Variants in CDC42BPB observed in about 807,000 individuals in gnomAD.
CDC42BPB encodes the protein serine/threonine-protein kinase MRCK beta.
In CDC42BPB, 37 loss-of-function variants were observed where a neutral mutation model predicts 214.9. That is an observed-to-expected ratio of 0.17 (90% CI 0.13 to 0.23). The LOEUF is 0.23. Ranked by LOEUF, CDC42BPB falls within the 10% of genes least tolerant of loss-of-function variation. The pLI is 1.00. For synonymous variants in CDC42BPB, 931 were observed against 884.0 expected (o/e 1.05, Z -0.94); for missense variants, 1,694 against 2,227.0 (o/e 0.76, Z 4.82).
In CDC42BPB at chr14:102,950,558, G is replaced by T; in HGVS notation, c.3217C>A (p.Gln1073Lys). 6.2e-7 allele frequency: 1 copy of T among 1,608,102 alleles called. No homozygotes were observed. Among genetic ancestry groups the T allele is most frequent in the Non-Finnish European group, 8.5e-7 (1 of 1,177,446 alleles). The change falls in exon 25 of 37, where the codon CAG becomes AAG. Residue 1073 changes from glutamine to lysine, a missense_variant. This residue lies in a region of CDC42BPB where 567 missense variants were observed against 790.3 expected (regional missense o/e 0.72). Coordinates refer to ENST00000361246, the MANE Select transcript of CDC42BPB (RefSeq NM_006035.4). The part of the protein sequence containing the change: ...CHVSCKDGAP[Q>K]VCPIPPEQSK... ...TGCTCGGGAGGTATTGGGCACACCT[G>T]GGGGGCACCGTCTTTGCAGGACACG...
intron 5 of CDC42BPB, among the ~76,000 whole-genome samples, chr14:102,991,463 T>C (rs1353397349): frequency 6.6e-6 from 1 of 152,266 alleles, no homozygotes. Flanking sequence ...ATGCAACATG[T>C]GATCCTGGAC....
chr14:103,013,032 A>G (rs1886244254), intron 1 of CDC42BPB, among the ~76,000 whole-genome samples: 1 of 152,228 alleles, frequency 6.6e-6, no homozygotes, highest in Non-Finnish European at 1.5e-5. Flanking sequence ...AGGTATCCCC[A>G]TCGTTATGCA....
chr14:103,029,487 G>A (rs545537327), intron 1 of CDC42BPB, among the ~76,000 whole-genome samples: 1 of 151,554 alleles, frequency 6.6e-6, no homozygotes, highest in East Asian at 1.9e-4. Context: ...AGCTTGCAGT[G>A]AGCCGAGATT....
intron 1 of CDC42BPB, among the ~76,000 whole-genome samples, chr14:103,016,015 C>T (rs901973024): frequency 1.3e-5 from 2 of 152,074 alleles, no homozygotes; most frequent in East Asian, 1.9e-4. Context: ...TGCGCCCGGC[C>T]GAGGCTGGAA....
chr14:102,997,281 G>A (rs1238018230), intron 5 of CDC42BPB, among the ~76,000 whole-genome samples: 1 of 152,132 alleles, frequency 6.6e-6, no homozygotes, highest in Non-Finnish European at 1.5e-5. Flanking sequence ...AGGGGAAAGT[G>A]GTTTCCAACT....
At position 103,057,269 on chromosome 14, in the gene CDC42BPB, C is replaced by G; in HGVS notation, c.-96G>C. 1 of 1,153,432 alleles carries G rather than the reference C, an allele frequency of 8.7e-7. No individual in the cohort carries two copies. Among genetic ancestry groups the G allele is most frequent in the Admixed American group, 4.8e-5 (1 of 20,846 alleles). 71.4% of individuals were successfully genotyped at this position (1,153,432 alleles called of 1,614,324 possible). A position where few individuals can be genotyped will look rare whatever the true frequency, so the allele number is the denominator to read the frequency against. On this transcript the variant is annotated 5_prime_UTR_variant, in exon 1 of 37. Transcript: ENST00000361246. Reference sequence around the variant, plus strand: ...CTCGGGGGCTCGGCGGCTGCGAGCCCCGGCAGCAGCGGCGCCTCCTCGCCG... The same window carrying G: ...CTCGGGGGCTCGGCGGCTGCGAGCCGCGGCAGCAGCGGCGCCTCCTCGCCG...
chr14:102,983,452 A>C, intron 7 of CDC42BPB, 104 bp downstream of exon 7: 4 of 1,514,642 alleles, frequency 2.6e-6, no homozygotes, highest in Non-Finnish European at 3.5e-6. Context: ...CTCTTCCTCA[A>C]CTACTCGCGT....
At chr14:103,052,995 A>G (rs10137506) in intron 1 of CDC42BPB, among the ~76,000 whole-genome samples, 10,712 of 152,258 alleles carry the variant, frequency 0.07, 856 homozygotes, top group African/African-American at 0.2. Context: ...TGGAAACTGT[A>G]AAGTGTTTCA....
chr14:103,038,802 G>C (rs1238558997), intron 1 of CDC42BPB, among the ~76,000 whole-genome samples: 1 of 149,866 alleles, frequency 6.7e-6, no homozygotes, highest in Non-Finnish European at 1.5e-5. Context: ...GCCTCCCAAA[G>C]TACTGGGATT....
chr14:102,947,543 C>T (rs1000051943), intron 27 of CDC42BPB, among the ~76,000 whole-genome samples, 178 bp downstream of exon 27: 42 of 152,148 alleles, frequency 2.8e-4, no homozygotes, highest in Non-Finnish European at 3.1e-4. Flanking sequence ...CTCCCCGAGA[C>T]GGGCACAGGC....
rs1450828740 is a variant in CDC42BPB at position 103,057,070 on chromosome 14, A to G, written c.104T>C (p.Val35Ala). 5 of 1,524,958 alleles carry G rather than the reference A, an allele frequency of 3.3e-6. No individual in the cohort carries two copies. In the Admixed American group the frequency reaches 6.2e-5, roughly 19 times the overall value. 94.5% of individuals were successfully genotyped at this position (1,524,958 alleles called of 1,614,324 possible). A position where few individuals can be genotyped will look rare whatever the true frequency, so the allele number is the denominator to read the frequency against. The change falls in exon 1 of 37, where the codon GTC (valine) becomes GCC (alanine). Residue 35 changes from valine to alanine, a missense_variant. By Grantham distance (64) the Val-to-Ala change is moderately conservative. Coordinates refer to ENST00000361246, the MANE Select transcript of CDC42BPB (RefSeq NM_006035.4). ...GTGGCTGCACTCGGTGTACAGGCAGACGAGCACGTCGAGCAGCGTTTCCAC... is the reference window on the plus strand; with the variant it reads ...GTGGCTGCACTCGGTGTACAGGCAGGCGAGCACGTCGAGCAGCGTTTCCAC... ...LSVETLLDVLVCLYTECSHSA... is the reference protein window; with the variant it reads ...LSVETLLDVLACLYTECSHSA...
chr14:103,010,391 G>C (rs1049102405), intron 2 of CDC42BPB, among the ~76,000 whole-genome samples: 1 of 152,184 alleles, frequency 6.6e-6, no homozygotes, highest in African/African-American at 2.4e-5. Flanking sequence ...TGGGAGCTCC[G>C]GGCACGATGG....
rs779177698 is a variant in CDC42BPB, at chr14:102,999,681, A to G, written c.480T>C (p.Asp160=). The change falls in exon 5 of 37, where the codon GAT becomes GAC. Residue 160 remains aspartate, a synonymous_variant. Transcript: ENST00000361246. ...YLVMDYYVGG[D]LLTLLSKFED... is the part of the protein sequence containing the mutation. ...CAAATTTGCTGAGCAGGGTCAGTAA[A>G]TCACCACCCACATAGTAATCCATGA... The G allele has an allele frequency of 6.2e-7, 1 of 1,614,178 alleles. No individual in the cohort carries two copies. The highest frequency in any genetic ancestry group is 8.5e-7 in the Non-Finnish European group (1 of 1,180,028).
rs117252774 is a variant in CDC42BPB at position 103,044,149 on chromosome 14, A to T, written c.175+12850T>A. ...ACATCAGAAAGCTGCTCTATTAATA[A>T]ACAAAGACTTTTCAACAATTTGGTT... On this transcript the variant is annotated intron_variant, in intron 1 of 36. Coordinates refer to ENST00000361246, the MANE Select transcript of CDC42BPB (RefSeq NM_006035.4). 4.6e-4 allele frequency among the ~76,000 whole-genome samples: 70 copies of T among 152,322 alleles called. 1 individual carries two copies. The East Asian group carries it at 0.01, about 22-fold the overall frequency.
At position 102,983,625 on chromosome 14, in the gene CDC42BPB, C is replaced by T. The variant is rs372288260; in HGVS notation, c.822G>A (p.Met274Ile). 24 of 1,613,466 alleles carry T rather than the reference C, an allele frequency of 1.5e-5. No homozygotes were observed. Among genetic ancestry groups the T allele is most frequent in the Non-Finnish European group, 1.9e-5 (23 of 1,180,038 alleles). Reference sequence around the variant, plus strand: ...CATAAAACGGCGTTTCTCCATAGAGCATCTCATACATGCAGACACCCAGAG... The same window carrying T: ...CATAAAACGGCGTTTCTCCATAGAGTATCTCATACATGCAGACACCCAGAG... ...WWSLGVCMYE[M>I]LYGETPFYAE... Residue 274 changes from methionine to isoleucine, a missense_variant, in exon 7 of 37, where the codon ATG (methionine) becomes ATA (isoleucine). Physicochemically the swap from Met to Ile is conservative, Grantham distance 10. This residue lies in a region of CDC42BPB where 225 missense variants were observed against 459.3 expected (regional missense o/e 0.49). Transcript: ENST00000361246.
intron 1 of CDC42BPB, among the ~76,000 whole-genome samples, chr14:103,040,807 C>A (rs745350542): frequency 6.6e-6 from 1 of 152,136 alleles, no homozygotes; most frequent in Non-Finnish European, 1.5e-5. Flanking sequence ...ATCTTATGAT[C>A]GTGGGACAAG....
rs145940820 is a variant in CDC42BPB, at chr14:102,987,784, CACAA to C, written c.597-1208_597-1205del. 5.4e-3 allele frequency among the ~76,000 whole-genome samples: 612 copies of C among 113,030 alleles called. 3 individuals are homozygous for C. Among genetic ancestry groups the C allele is most frequent in the African/African-American group, 0.017 (475 of 28,530 alleles). 74.2% of individuals were successfully genotyped at this position (113,030 alleles called of 152,430 possible). A position where few individuals can be genotyped will look rare whatever the true frequency, so the allele number is the denominator to read the frequency against. On this transcript the variant is annotated intron_variant, in intron 5 of 36. Transcript: ENST00000361246. ...AAAACAAAACAAAATCCCACAAACA[CACAA>C]ACACACACACACACACACACACACA... is the stretch of plus-strand genomic sequence containing the variant.
chr14:102,954,269 C>A lies in CDC42BPB; in HGVS notation c.2995G>T (p.Ala999Ser). The part of the protein sequence containing the change: ...VAASEQQEDM[A>S]RPPQRPSAVP... ...GCGGATGGCCTCTGCGGGGGCCGAG[C>A]CATGTCCTGGGAGACAAGCAGGACA... The change falls in exon 23 of 37, where the codon GCT becomes TCT. Residue 999 changes from alanine to serine, a missense_variant. Coordinates refer to ENST00000361246, the MANE Select transcript of CDC42BPB (RefSeq NM_006035.4). 6.5e-7 allele frequency: 1 copy of A among 1,528,768 alleles called. No individual in the cohort carries two copies. The highest frequency in any genetic ancestry group is 8.8e-7 in the Non-Finnish European group (1 of 1,140,116). 94.7% of individuals were successfully genotyped at this position (1,528,768 alleles called of 1,614,324 possible).
chr14:102,996,104 C>T (rs893629183), intron 5 of CDC42BPB, among the ~76,000 whole-genome samples: 1 of 152,214 alleles, frequency 6.6e-6, no homozygotes, highest in African/African-American at 2.4e-5. Context: ...CTTTGGGAGG[C>T]CGAGGCGGGC....
Sources: gnomAD v4.1 joint callset for allele counts (sites outside exome capture counted in the v4.1 genomes callset) on GRCh38, gnomAD v4.1.1 for gene constraint, gnomAD v4.1.1 regional missense constraint, MANE v1.5 for transcripts, NCBI Gene and HGNC (gene_info 2026-07-23, HGNC 2026-07-21) for gene names.